Variants in SNTG1 observed in about 807,000 individuals in gnomAD.
SNTG1 encodes gamma-1-syntrophin.
SNTG1 carries 39 observed loss-of-function variants against 74.7 expected under a neutral mutation model. The observed-to-expected ratio is 0.52, with a 90% CI of 0.40 to 0.68. SNTG1 has a LOEUF of 0.68. SNTG1 is among the 30% of genes least tolerant of loss of function. The probability of loss-of-function intolerance (pLI) is 0.00; values close to 1 mark genes in which losing one functional copy is unlikely to be tolerated. For missense variants in SNTG1, 685 were observed against 609.5 expected, an observed-to-expected ratio of 1.12 and a Z score of -1.30; for synonymous variants, 254 against 217.1, an observed-to-expected ratio of 1.17 and a Z score of -1.49.
chr8:50,114,407 A>T (rs978751359), intron 1 of SNTG1, among the ~76,000 whole-genome samples: 9 of 152,174 alleles, frequency 5.9e-5, no homozygotes, highest in African/African-American at 2.2e-4. Context: ...CATTGTGCTA[A>T]ATGAAATAAA....
chr8:50,720,081 C>T (rs1254492762), intron 17 of SNTG1, among the ~76,000 whole-genome samples: 4 of 152,090 alleles, frequency 2.6e-5, no homozygotes, highest in African/African-American at 7.2e-5. Flanking sequence ...TAATGCATTC[C>T]TGTTCTATTA....
chr8:50,721,383 A>G (rs2095487270), intron 17 of SNTG1, among the ~76,000 whole-genome samples: 1 of 152,188 alleles, frequency 6.6e-6, no homozygotes, highest in African/African-American at 2.4e-5. Context: ...CCAATTTTAC[A>G]ATGGGCCTTA....
At chr8:49,960,399 T>C (rs946589043) in intron 1 of SNTG1, among the ~76,000 whole-genome samples, 4 of 152,072 alleles carry the variant, frequency 2.6e-5, no homozygotes, top group African/African-American at 9.7e-5. Flanking sequence ...TAATGAAGGG[T>C]TAAATTGTAT....
chr8:49,943,780 AC>A (rs2129379464), intron 1 of SNTG1, among the ~76,000 whole-genome samples: 1 of 152,278 alleles, frequency 6.6e-6, no homozygotes, highest in African/African-American at 2.4e-5. Context: ...GGAAAAGCAA[AC>A]TTTTATATCA....
At chr8:50,644,444 G>C (rs1041842781) in intron 13 of SNTG1, 1 of 151,966 alleles carries the variant, frequency 6.6e-6, no homozygotes. Flanking sequence ...GATCCACTCC[G>C]ACTTAATTAA....
intron 2 of SNTG1, among the ~76,000 whole-genome samples, chr8:50,376,972 G>T (rs894746329): frequency 6.6e-6 from 1 of 152,018 alleles, no homozygotes; most frequent in Admixed American, 6.6e-5. Flanking sequence ...AAGCAGTGAA[G>T]GATTCAACCT....
At chr8:50,439,515 G>A (rs762297709) in intron 5 of SNTG1, among the ~76,000 whole-genome samples, 9 of 151,966 alleles carry the variant, frequency 5.9e-5, no homozygotes, top group East Asian at 3.9e-4. Context: ...ATGCAATAGC[G>A]TTGTATTGTC....
chr8:50,475,550 C>T (rs1388711239), intron 8 of SNTG1, among the ~76,000 whole-genome samples: 3 of 152,052 alleles, frequency 2.0e-5, no homozygotes, highest in Non-Finnish European at 4.4e-5. Flanking sequence ...TGTGTTCCTT[C>T]GCATGCTATA....
intron 4 of SNTG1, among the ~76,000 whole-genome samples, chr8:50,425,756 T>C (rs1233909560): frequency 6.6e-6 from 1 of 152,112 alleles, no homozygotes; most frequent in Non-Finnish European, 1.5e-5. Flanking sequence ...AACTGAATTA[T>C]ATGAAAGAAA....
intron 1 of SNTG1, among the ~76,000 whole-genome samples, chr8:50,039,000 G>A (rs1434601372): frequency 6.6e-6 from 1 of 152,162 alleles, no homozygotes; most frequent in Non-Finnish European, 1.5e-5. Context: ...GAACTCCGAT[G>A]ACACATAAGG....
intron 17 of SNTG1, among the ~76,000 whole-genome samples, chr8:50,720,249 A>G (rs558967003): frequency 6.6e-6 from 1 of 152,284 alleles, no homozygotes; most frequent in Non-Finnish European, 1.5e-5. Context: ...CTCTTGCCTT[A>G]TCCTTACCCT....
chr8:50,280,210 G>C (rs1366359946), intron 2 of SNTG1, among the ~76,000 whole-genome samples: 1 of 152,218 alleles, frequency 6.6e-6, no homozygotes, highest in Non-Finnish European at 1.5e-5. Flanking sequence ...CAGGACATGA[G>C]TTGGTGGATT....
At chr8:50,223,389 T>C (rs1346644048) in intron 2 of SNTG1, among the ~76,000 whole-genome samples, 3 of 152,136 alleles carry the variant, frequency 2.0e-5, no homozygotes, top group Admixed American at 1.3e-4. Flanking sequence ...TATAAAAATA[T>C]GCAATTTTAA....
At chr8:50,388,884 C>A (rs1005759346) in intron 2 of SNTG1, among the ~76,000 whole-genome samples, 1 of 152,120 alleles carries the variant, frequency 6.6e-6, no homozygotes, top group Non-Finnish European at 1.5e-5. Context: ...TAAAGCTCAC[C>A]ACCACAAATA....
At chr8:50,698,530 C>T (rs2095412737) in intron 15 of SNTG1, among the ~76,000 whole-genome samples, 1 of 152,132 alleles carries the variant, frequency 6.6e-6, no homozygotes, top group East Asian at 1.9e-4. Flanking sequence ...ATGCCAATGG[C>T]TGGAGCCCAT....
intron 2 of SNTG1, among the ~76,000 whole-genome samples, chr8:50,336,382 A>G (rs1189817618): frequency 6.6e-6 from 1 of 152,108 alleles, no homozygotes; most frequent in Non-Finnish European, 1.5e-5. Flanking sequence ...TCTTTCCATA[A>G]TGCTCTATCC....
At chr8:50,429,742 GT>G (rs1483903363) in intron 4 of SNTG1, among the ~76,000 whole-genome samples, 5 of 152,170 alleles carry the variant, frequency 3.3e-5, no homozygotes, top group African/African-American at 1.2e-4. Context: ...CACAAATCTA[GT>G]GTGGTATTTA....
intron 2 of SNTG1, among the ~76,000 whole-genome samples, chr8:50,259,763 T>C (rs2087088155): frequency 6.6e-6 from 1 of 152,120 alleles, no homozygotes; most frequent in Admixed American, 6.6e-5. Flanking sequence ...CTTAGATCCT[T>C]CAGAAAACTG....
At chr8:49,957,349 T>C (rs188898735) in intron 1 of SNTG1, among the ~76,000 whole-genome samples, 1 of 152,358 alleles carries the variant, frequency 6.6e-6, no homozygotes, top group Non-Finnish European at 1.5e-5. Flanking sequence ...TTTCTTCTCA[T>C]TCCAATGAAA....
Sources: allele counts gnomAD v4.1 joint callset (sites outside exome capture counted in the v4.1 genomes callset), GRCh38; gene constraint gnomAD v4.1.1; transcripts MANE v1.5; gene names NCBI Gene and HGNC (gene_info 2026-07-23, HGNC 2026-07-21).